Variants in MAGI2 observed in about 807,000 individuals in gnomAD.
MAGI2 encodes membrane associated guanylate kinase, WW and PDZ domain containing 2.
A neutral mutation model predicts 133.3 loss-of-function variants in MAGI2; 35 were observed. The observed-to-expected ratio is 0.26, with a 90% CI of 0.20 to 0.35. The LOEUF is 0.35. Ranked by LOEUF, MAGI2 falls within the 10% of genes least tolerant of loss-of-function variation. MAGI2 has a pLI of 1.00. For missense variants in MAGI2, 1,636 were observed against 1,863.4 expected (o/e 0.88, Z 2.25); for synonymous variants, 729 against 710.6 (o/e 1.03, Z -0.41).
At chr7:78,481,682 G>A (rs1447042746) in intron 6 of MAGI2, among the ~76,000 whole-genome samples, 1 of 151,142 alleles carries the variant, frequency 6.6e-6, no homozygotes, top group Non-Finnish European at 1.5e-5. Context: ...TCAACAAATG[G>A]TGCTGGAACA....
intron 1 of MAGI2, among the ~76,000 whole-genome samples, chr7:79,041,516 G>A (rs987091382): frequency 4.6e-5 from 7 of 152,044 alleles, no homozygotes; most frequent in Non-Finnish European, 8.8e-5. Context: ...TTGAGTAATA[G>A]TAAAGTTCAT....
chr7:78,622,130 CAAG>C (rs1236073405), intron 3 of MAGI2, among the ~76,000 whole-genome samples: 2 of 151,982 alleles, frequency 1.3e-5, no homozygotes, highest in African/African-American at 2.4e-5. Flanking sequence ...TTCAGATGAG[CAAG>C]AAGAAACAGG....
At chr7:78,807,958 G>C (rs1354689268) in intron 2 of MAGI2, among the ~76,000 whole-genome samples, 2 of 152,112 alleles carry the variant, frequency 1.3e-5, no homozygotes, top group African/African-American at 4.8e-5. Flanking sequence ...CCCAGACTTA[G>C]GTCTGGCTGA....
chr7:78,723,783 C>T (rs1200520787), intron 2 of MAGI2, among the ~76,000 whole-genome samples: 7 of 152,044 alleles, frequency 4.6e-5, no homozygotes, highest in Admixed American at 4.6e-4. Context: ...CAGGGAGTTT[C>T]TAAAATTTCT....
At chr7:79,183,497 A>T (rs746328164) in intron 1 of MAGI2, among the ~76,000 whole-genome samples, 1 of 151,818 alleles carries the variant, frequency 6.6e-6, no homozygotes, top group African/African-American at 2.4e-5. Context: ...CTTTAGAGAA[A>T]TTTTTCAATA....
At chr7:78,283,579 G>T (rs1349973092) in intron 9 of MAGI2, among the ~76,000 whole-genome samples, 3 of 152,062 alleles carry the variant, frequency 2.0e-5, no homozygotes, top group Non-Finnish European at 4.4e-5. Flanking sequence ...TGTAATAAAT[G>T]ATTTTAAATT....
At chr7:78,698,782 G>A (rs1487902444) in intron 2 of MAGI2, among the ~76,000 whole-genome samples, 1 of 152,030 alleles carries the variant, frequency 6.6e-6, no homozygotes, top group East Asian at 1.9e-4. Context: ...GTCAAACAAA[G>A]CGGAGGGAAA....
intron 16 of MAGI2, among the ~76,000 whole-genome samples, chr7:78,154,299 A>T (rs1584171758): frequency 6.6e-6 from 1 of 152,224 alleles, no homozygotes; most frequent in South Asian, 2.1e-4. Flanking sequence ...GTCAAGAATG[A>T]CCAGGTCCAA....
intron 2 of MAGI2, among the ~76,000 whole-genome samples, chr7:78,708,417 C>T (rs1818862192): frequency 6.6e-6 from 1 of 152,082 alleles, no homozygotes; most frequent in African/African-American, 2.4e-5. Flanking sequence ...TAATTCAGAG[C>T]CTTTTCTGAT....
chr7:79,188,868 C>G (rs926539285), intron 1 of MAGI2, among the ~76,000 whole-genome samples: 7 of 151,866 alleles, frequency 4.6e-5, no homozygotes, highest in African/African-American at 1.7e-4. Context: ...CCAGACATTT[C>G]CATATGCGTG....
At chr7:79,061,539 T>C (rs1813735854) in intron 1 of MAGI2, among the ~76,000 whole-genome samples, 1 of 151,956 alleles carries the variant, frequency 6.6e-6, no homozygotes, top group South Asian at 2.1e-4. Flanking sequence ...TCAGGCTAGC[T>C]CTGAAGTTTT....
chr7:79,299,554 C>CAAAAAAAAAAAAAAAAAAAAAAA (rs57740248), intron 1 of MAGI2, among the ~76,000 whole-genome samples: 1 of 84,708 alleles, frequency 1.2e-5, no homozygotes, highest in African/African-American at 4.6e-5. Flanking sequence ...GACTCCATCT[C>CAAAAAAAAAAAAAAAAAAAAAAA]AAAAAAAAAA....
At chr7:78,733,109 G>A (rs1164587006) in intron 2 of MAGI2, among the ~76,000 whole-genome samples, 1 of 152,058 alleles carries the variant, frequency 6.6e-6, no homozygotes, top group African/African-American at 2.4e-5. Flanking sequence ...TTGGGGTGAA[G>A]GAAAAGGTAC....
rs145434105 is a variant in MAGI2 at position 78,985,227 on chromosome 7, A to G, written c.418+21863T>C. Among the ~76,000 whole-genome samples the G allele has an allele frequency of 1.3e-3, 199 of 152,098 alleles. 1 individual carries two copies. Among genetic ancestry groups the G allele is most frequent in the African/African-American group, 4.4e-3 (183 of 41,528 alleles). ...GTAAATGAGTTGTAAGGTAGCAATC[A>G]CCTCAATCATTATTCAAAATTACTT... is the stretch of plus-strand genomic sequence containing the variant. On this transcript the variant is annotated intron_variant, in intron 2 of 21. Coordinates refer to ENST00000354212, the MANE Select transcript of MAGI2 (RefSeq NM_012301.4).
At chr7:79,046,304 A>G (rs1812177701) in intron 1 of MAGI2, among the ~76,000 whole-genome samples, 1 of 152,166 alleles carries the variant, frequency 6.6e-6, no homozygotes, top group Non-Finnish European at 1.5e-5. Flanking sequence ...TCCTTAAAGG[A>G]AGACACACAC....
chr7:78,426,351 G>A (rs1240864884), intron 6 of MAGI2, among the ~76,000 whole-genome samples: 4 of 151,898 alleles, frequency 2.6e-5, no homozygotes, highest in South Asian at 2.1e-4. Flanking sequence ...GTAAACTATC[G>A]CAAGAACAAA....
At chr7:78,758,567 C>T (rs1413720767) in intron 2 of MAGI2, among the ~76,000 whole-genome samples, 1 of 152,198 alleles carries the variant, frequency 6.6e-6, no homozygotes, top group Non-Finnish European at 1.5e-5. Context: ...ATATTGTGAA[C>T]TAGGTACATA....
intron 2 of MAGI2, among the ~76,000 whole-genome samples, chr7:78,852,327 T>C (rs753773803): frequency 6.6e-6 from 1 of 152,094 alleles, no homozygotes; most frequent in African/African-American, 2.4e-5. Flanking sequence ...ACTATATGTG[T>C]GACAGATATT....
chr7:78,082,789 T>C (rs1289939038), intron 20 of MAGI2, among the ~76,000 whole-genome samples: 6 of 152,182 alleles, frequency 3.9e-5, no homozygotes. Flanking sequence ...GTGGGCTGAC[T>C]CACGGGGACC....
Sources: gnomAD v4.1 joint callset for allele counts (sites outside exome capture counted in the v4.1 genomes callset) on GRCh38, gnomAD v4.1.1 for gene constraint, MANE v1.5 for transcripts, NCBI Gene and HGNC (gene_info 2026-07-23, HGNC 2026-07-21) for gene names.